Variants in MGAM2 observed in about 807,000 individuals in gnomAD.
The protein encoded by MGAM2 is maltase-glucoamylase 2 (putative).
Under a neutral mutation model 96.1 loss-of-function variants are expected in MGAM2, and 98 were observed. The observed-to-expected ratio is 1.02, with a 90% CI of 0.87 to 1.21. The LOEUF is 1.21. Ranked by LOEUF, MGAM2 falls within the 50% of genes most tolerant of loss-of-function variation. The pLI is 0.00. For synonymous variants in MGAM2, 749 were observed against 414.8 expected (o/e 1.81, Z -9.79); for missense variants, 2,055 against 1,182.4 (o/e 1.74, Z -10.82).
chr7:142,207,130 A>C (rs554307496), intron 45 of MGAM2, among the ~76,000 whole-genome samples: 2 of 152,228 alleles, frequency 1.3e-5, no homozygotes, highest in Non-Finnish European at 2.9e-5. Context: ...AGAACAGAAC[A>C]TGAAGTGAAA....
intron 15 of MGAM2, among the ~76,000 whole-genome samples, chr7:142,152,476 A>G (rs1425386725): frequency 2.0e-5 from 3 of 152,012 alleles, no homozygotes; most frequent in Admixed American, 2.0e-4. Context: ...TTACTTTCTT[A>G]AAGCAGTTTT....
At chr7:142,219,475 T>A (rs947936110) in intron 47 of MGAM2, among the ~76,000 whole-genome samples, 18 of 152,208 alleles carry the variant, frequency 1.2e-4, no homozygotes, top group Non-Finnish European at 2.4e-4. Flanking sequence ...CTATGGCATA[T>A]CTGATGCCTA....
At chr7:142,112,240 AG>A (rs1274642123) in intron 1 of MGAM2, among the ~76,000 whole-genome samples, 3 of 152,074 alleles carry the variant, frequency 2.0e-5, no homozygotes, top group African/African-American at 7.2e-5. Context: ...TTCTACCTTT[AG>A]GAATCCCCAT....
chr7:142,196,232 A>G lies in MGAM2; in HGVS notation c.4425A>G (p.Gly1475=). The part of the protein sequence containing the change: ...STFPSSGRWG[G]HRLGNNTAAW... The stretch of plus-strand genomic sequence containing the variant: ...TTCCCTCTTCTGGACGCTGGGGAGG[A>G]CACCGGTTGGGAAACAACACAGCTG... Residue 1475 remains glycine, a synonymous_variant, in exon 38 of 48, where the codon GGA becomes GGG. Transcript: ENST00000477922. 1 of 995,614 alleles carries G rather than the reference A, an allele frequency of 1.0e-6. No individual in the cohort carries two copies. The highest frequency in any genetic ancestry group is 1.6e-6 in the Non-Finnish European group (1 of 638,422). The allele number at this position is 995,614 out of a possible 1,614,324, so 61.7% of individuals were successfully genotyped here. A position where few individuals can be genotyped will look rare whatever the true frequency, so the allele number is the denominator to read the frequency against.
Position 142,161,214 on chromosome 7 carries a change from G to T in MGAM2, c.2434+1G>T. The stretch of plus-strand genomic sequence containing the variant: ...TACTGGGATGACGGTGTATCTAAAG[G>T]TAGACTTTCTCAAGGCACCATCCCT... On this transcript the variant is annotated splice_donor_variant, in intron 22 of 47. Transcript: ENST00000477922. LOFTEE classifies it high-confidence loss of function. The T allele has an allele frequency of 1.4e-6, 1 of 702,312 alleles. No homozygotes were observed. Among genetic ancestry groups the T allele is most frequent in the Non-Finnish European group, 2.6e-6 (1 of 384,556 alleles). 43.5% of individuals were successfully genotyped at this position (702,312 alleles called of 1,614,324 possible).
Position 142,158,085 on chromosome 7 carries a change from T to C in MGAM2, c.2072T>C (p.Val691Ala). The C allele has an allele frequency of 1.4e-6, 1 of 702,294 alleles. No homozygotes were observed. The highest frequency in any genetic ancestry group is 2.6e-6 in the Non-Finnish European group (1 of 384,712). The allele number at this position is 702,294 out of a possible 1,614,324, so 43.5% of individuals were successfully genotyped here. A position where few individuals can be genotyped will look rare whatever the true frequency, so the allele number is the denominator to read the frequency against. ...GGAGAGACGGTAGCAAGGCCCCTTG[T>C]ACATGAGTGAGTTTCCTGATTCTCA... Reference protein sequence around the residue: ...TRGETVARPLVHEFYQDSATW... With the variant: ...TRGETVARPLAHEFYQDSATW... The change falls in exon 18 of 48, where the codon GTA becomes GCA. Residue 691 changes from valine to alanine, a missense_variant. By Grantham distance (64) the Val-to-Ala change is moderately conservative. Coordinates refer to ENST00000477922, the MANE Select transcript of MGAM2 (RefSeq NM_001293626.2).
chr7:142,190,933 G>A (rs1036617112), intron 37 of MGAM2, among the ~76,000 whole-genome samples: 1 of 151,856 alleles, frequency 6.6e-6, no homozygotes, highest in African/African-American at 2.4e-5. Flanking sequence ...CCAGGAGTCC[G>A]AGGGCAGCTT....
chr7:142,164,994 C>A lies in MGAM2; in HGVS notation c.2623C>A (p.Pro875Thr). 1 of 702,138 alleles carries A rather than the reference C, an allele frequency of 1.4e-6. No individual in the cohort carries two copies. Among genetic ancestry groups the A allele is most frequent in the Non-Finnish European group, 2.6e-6 (1 of 384,618 alleles). 43.5% of individuals were successfully genotyped at this position (702,138 alleles called of 1,614,324 possible). ...VLLNNVATSS[P>T]SVVYNASTKV... ...ACTGAATAATGTTGCCACCTCCAGTCCAAGCGTTGTCTACAATGCTTCCAC... is the reference window on the plus strand; with the variant it reads ...ACTGAATAATGTTGCCACCTCCAGTACAAGCGTTGTCTACAATGCTTCCAC... The change falls in exon 24 of 48, where the codon CCA becomes ACA. Residue 875 changes from proline (P) to threonine (T), a missense_variant. Physicochemically the swap from Pro to Thr is conservative, Grantham distance 38. Coordinates refer to ENST00000477922, the MANE Select transcript of MGAM2 (RefSeq NM_001293626.2).
At chr7:142,138,460 G>A (rs999135387) in intron 9 of MGAM2, 82 bp from the exon 10 acceptor site, 7 of 646,736 alleles carry the variant, frequency 1.1e-5, no homozygotes, top group South Asian at 3.4e-5. Flanking sequence ...TAGCTCTGAC[G>A]TTTTCAGCTC....
At chr7:142,159,219 G>A in intron 19 of MGAM2, 68 bp from the exon 20 acceptor site, 1 of 692,392 alleles carries the variant, frequency 1.4e-6, no homozygotes, top group Non-Finnish European at 2.6e-6. Flanking sequence ...ATGTAATGAT[G>A]CCTGGAGGTG....
Position 142,171,757 on chromosome 7 carries a change from A to G in MGAM2, c.3351+317A>G, listed in dbSNP as rs80139973. 6.9e-3 allele frequency among the ~76,000 whole-genome samples: 1,035 copies of G among 150,344 alleles called. 6 individuals carry two copies. Among genetic ancestry groups the G allele is most frequent in the Non-Finnish European group, 0.011 (742 of 67,602 alleles). On this transcript the variant is annotated intron_variant, in intron 28 of 47. Transcript: ENST00000477922. Reference sequence around the variant, plus strand: ...TTAATATATTCTACTTGTCAGGCACATTGCTAAGTGCTTATCTGTACATTT... The same window carrying G: ...TTAATATATTCTACTTGTCAGGCACGTTGCTAAGTGCTTATCTGTACATTT...
chr7:142,134,622 A>T (rs1467760002), intron 7 of MGAM2, among the ~76,000 whole-genome samples: 3 of 152,136 alleles, frequency 2.0e-5, no homozygotes, highest in Admixed American at 6.5e-5. Flanking sequence ...GGAGGTTGTT[A>T]AAAATGCAGA....
chr7:142,117,529 AG>A (rs929406954), intron 2 of MGAM2, among the ~76,000 whole-genome samples: 4 of 152,220 alleles, frequency 2.6e-5, no homozygotes, highest in African/African-American at 9.6e-5. Flanking sequence ...AAATGTGTGT[AG>A]TTCAAAAATG....
rs771698615 is a variant in MGAM2, at chr7:142,220,390, C to G, written c.5879C>G (p.Thr1960Arg). The change falls in exon 48 of 48, where the codon ACA (threonine) becomes AGA (arginine). Residue 1960 changes from threonine to arginine, a missense_variant. Coordinates refer to ENST00000477922, the MANE Select transcript of MGAM2 (RefSeq NM_001293626.2). ...GVTTNATVPD[T>R]TAPFPTNTTT... ...ACAACTAATGCTACTGTTCCCGATA[C>G]AACTGCCCCTTTCCCAACAAATACT... The G allele has an allele frequency of 2.8e-6, 2 of 702,646 alleles. No homozygotes were observed. The highest frequency in any genetic ancestry group is 2.7e-5 in the East Asian group (1 of 37,266). 43.5% of individuals were successfully genotyped at this position (702,646 alleles called of 1,614,324 possible).
chr7:142,154,338 G>C, intron 16 of MGAM2, 149 bp downstream of exon 16: 1 of 478,546 alleles, frequency 2.1e-6, no homozygotes, highest in South Asian at 5.3e-5. Flanking sequence ...TACGTGAGCT[G>C]CCTTCTGAAG....
chr7:142,200,029 C>T (rs748703937), intron 45 of MGAM2, 61 bp downstream of exon 45: 16 of 583,068 alleles, frequency 2.7e-5, no homozygotes, highest in African/African-American at 1.5e-4. Flanking sequence ...CATAGAGGCT[C>T]GGCATATAAC....
At chr7:142,139,375 G>A (rs1795150965) in intron 10 of MGAM2, among the ~76,000 whole-genome samples, 2 of 152,008 alleles carry the variant, frequency 1.3e-5, no homozygotes, top group South Asian at 2.1e-4. Flanking sequence ...AGAATATAGT[G>A]TTGGCCCAGT....
intron 19 of MGAM2, 101 bp downstream of exon 19, chr7:142,158,433 A>T: frequency 1.6e-6 from 1 of 622,840 alleles, no homozygotes. Flanking sequence ...TTTATATCAA[A>T]ATATGAATAT....
intron 3 of MGAM2, among the ~76,000 whole-genome samples, chr7:142,122,228 A>G (rs1358406698): frequency 6.6e-6 from 1 of 152,172 alleles, no homozygotes; most frequent in Non-Finnish European, 1.5e-5. Context: ...TCTGATTTCT[A>G]TGGATTTGAA....
Sources: allele counts gnomAD v4.1 joint callset (sites outside exome capture counted in the v4.1 genomes callset), GRCh38; gene constraint gnomAD v4.1.1; transcripts MANE v1.5; gene names NCBI Gene and HGNC (gene_info 2026-07-23, HGNC 2026-07-21).